Variants in TPRG1 observed in about 807,000 individuals in gnomAD.
TPRG1 encodes the protein tumor protein p63 regulated 1, also known as tumor protein p63-regulated gene 1 protein.
In TPRG1, 29 loss-of-function variants were observed where a neutral mutation model predicts 29.3. The observed-to-expected ratio is 0.99, with a 90% CI of 0.74 to 1.35. The LOEUF (loss-of-function observed/expected upper bound fraction) is 1.35, where lower values mean the gene tolerates loss of function less well. TPRG1 is among the 40% of genes most tolerant of loss of function. The pLI, the probability that TPRG1 is intolerant of heterozygous loss-of-function variation, is 0.00. For missense variants in TPRG1, 327 were observed against 335.0 expected (o/e 0.98, Z 0.19); for synonymous variants, 130 against 116.8 (o/e 1.11, Z -0.73).
At chr3:189,237,327 G>A (rs1156577769) in intron 3 of TPRG1, among the ~76,000 whole-genome samples, 2 of 151,844 alleles carry the variant, frequency 1.3e-5, no homozygotes, top group Admixed American at 1.3e-4. Context: ...ACACACACAG[G>A]GTTGGTGCTC....
chr3:189,107,046 G>A (rs1426315042), intron 1 of TPRG1, among the ~76,000 whole-genome samples: 1 of 151,590 alleles, frequency 6.6e-6, no homozygotes, highest in African/African-American at 2.4e-5. Flanking sequence ...TTTTTGGAAG[G>A]TTCTGGTTAA....
rs553255400 is a variant in TPRG1 at position 189,111,105 on chromosome 3, A to C, written c.-744+10901A>C. Among the ~76,000 whole-genome samples the C allele has an allele frequency of 1.1e-4, 13 of 114,928 alleles. No individual in the cohort carries two copies. The South Asian group carries it at 1.6e-3, about 14-fold the overall frequency. 75.4% of individuals were successfully genotyped at this position (114,928 alleles called of 152,430 possible). A position where few individuals can be genotyped will look rare whatever the true frequency, so the allele number is the denominator to read the frequency against. On this transcript the variant is annotated intron_variant, in intron 1 of 6. Transcript: ENST00000412373. ...TAGAATCAGCTTGGCAATTTCTAAAAAAACAAACAAACAAAAAAAATCTTA... is the reference window on the plus strand; with the variant it reads ...TAGAATCAGCTTGGCAATTTCTAAACAAACAAACAAACAAAAAAAATCTTA...
chr3:189,194,982 C>T (rs1271386673), intron 1 of TPRG1, among the ~76,000 whole-genome samples: 1 of 152,116 alleles, frequency 6.6e-6, no homozygotes, highest in Non-Finnish European at 1.5e-5. Context: ...ACTTATTTGG[C>T]TTATAAGGTG....
At chr3:189,256,352 A>C (rs1371147716) in intron 4 of TPRG1, among the ~76,000 whole-genome samples, 1 of 152,078 alleles carries the variant, frequency 6.6e-6, no homozygotes, top group East Asian at 1.9e-4. Flanking sequence ...CTGAGTTCTA[A>C]TTTGATTACA....
chr3:189,068,337 G>A (rs1390732882), intron 4 of TPRG1, among the ~76,000 whole-genome samples: 3 of 152,172 alleles, frequency 2.0e-5, no homozygotes, highest in Admixed American at 6.5e-5. Context: ...AATGAAATCC[G>A]TATGTTGAAG....
At chr3:189,200,158 G>GA in intron 1 of TPRG1, among the ~76,000 whole-genome samples, 1 of 152,278 alleles carries the variant, frequency 6.6e-6, no homozygotes, top group South Asian at 2.1e-4. Context: ...ACTCTGCCTG[G>GA]CCCAGGTGGA....
intron 4 of TPRG1, among the ~76,000 whole-genome samples, chr3:189,084,056 C>G (rs1717775654): frequency 6.6e-6 from 1 of 151,768 alleles, no homozygotes; most frequent in African/African-American, 2.4e-5. Context: ...GAGGCTGAGG[C>G]AGAAGAATCA....
intron 5 of TPRG1, chr3:189,313,120 C>T (rs1356548937): frequency 1.3e-5 from 2 of 152,018 alleles, no homozygotes; most frequent in Non-Finnish European, 2.9e-5. Flanking sequence ...TCAAAGGCCA[C>T]CCAAAGTCCC....
chr3:189,047,427 G>C (rs765458100), intron 4 of TPRG1, among the ~76,000 whole-genome samples: 11 of 152,200 alleles, frequency 7.2e-5, no homozygotes, highest in Non-Finnish European at 1.2e-4. Context: ...TAAGTGAGCT[G>C]TAATCTTTTT....
intron 1 of TPRG1, among the ~76,000 whole-genome samples, chr3:189,110,850 T>C (rs1303727112): frequency 6.6e-6 from 1 of 151,862 alleles, no homozygotes; most frequent in Non-Finnish European, 1.5e-5. Context: ...CTTTTGTACC[T>C]TTATTGAAAC....
At chr3:189,180,904 G>C (rs1405625853) in intron 1 of TPRG1, among the ~76,000 whole-genome samples, 4 of 152,154 alleles carry the variant, frequency 2.6e-5, no homozygotes, top group Non-Finnish European at 5.9e-5. Flanking sequence ...GCAGACTTCT[G>C]CCTGGACATC....
At chr3:189,060,580 ATAAC>A (rs1463124899) in intron 4 of TPRG1, among the ~76,000 whole-genome samples, 1 of 152,186 alleles carries the variant, frequency 6.6e-6, no homozygotes, top group African/African-American at 2.4e-5. Flanking sequence ...AAGCTGATAA[ATAAC>A]TTCAATAAAG....
intron 1 of TPRG1, among the ~76,000 whole-genome samples, chr3:189,172,599 A>T (rs1485999282): frequency 6.6e-6 from 1 of 152,224 alleles, no homozygotes; most frequent in Admixed American, 6.5e-5. Flanking sequence ...AGCCTTTCTG[A>T]ACCGTTAAAT....
chr3:189,304,355 A>G (rs1721299159), intron 4 of TPRG1, among the ~76,000 whole-genome samples: 1 of 152,182 alleles, frequency 6.6e-6, no homozygotes. Flanking sequence ...TTACAATGAC[A>G]CCACAATGCC....
At chr3:189,176,663 G>A (rs1729529184) in intron 1 of TPRG1, among the ~76,000 whole-genome samples, 1 of 152,176 alleles carries the variant, frequency 6.6e-6, no homozygotes, top group African/African-American at 2.4e-5. Flanking sequence ...AGGATATGAA[G>A]GAGTCAGCGA....
At chr3:189,307,463 A>C (rs6788902) in intron 4 of TPRG1, among the ~76,000 whole-genome samples, 3,320 of 152,318 alleles carry the variant, frequency 0.022, 133 homozygotes, top group African/African-American at 0.076. Flanking sequence ...TTTGAGACAG[A>C]GGTTTTCTTC....
At chr3:189,176,693 G>A (rs532116997) in intron 1 of TPRG1, among the ~76,000 whole-genome samples, 61 of 152,308 alleles carry the variant, frequency 4.0e-4, no homozygotes, top group African/African-American at 1.3e-3. Flanking sequence ...TGGTGAAAGA[G>A]TATTCCAGGC....
intron 3 of TPRG1, among the ~76,000 whole-genome samples, chr3:189,140,573 G>A (rs1352090344): frequency 1.3e-5 from 2 of 152,100 alleles, no homozygotes; most frequent in East Asian, 3.9e-4. Flanking sequence ...CTCTTGTCTT[G>A]CACCCCGCTG....
chr3:189,126,460 G>A (rs564637490), intron 1 of TPRG1, among the ~76,000 whole-genome samples: 62 of 152,244 alleles, frequency 4.1e-4, no homozygotes, highest in African/African-American at 1.4e-3. Context: ...TTATAAATTG[G>A]GAAAAAATAC....
Sources: allele counts gnomAD v4.1 joint callset (sites outside exome capture counted in the v4.1 genomes callset), GRCh38; gene constraint gnomAD v4.1.1; transcripts MANE v1.5; gene names NCBI Gene and HGNC (gene_info 2026-07-23, HGNC 2026-07-21).